Variants in REV3L observed in about 807,000 individuals in gnomAD.
REV3L encodes DNA polymerase zeta catalytic subunit.
In REV3L, 69 loss-of-function variants were observed where a neutral mutation model predicts 299.4. The ratio of observed to expected loss-of-function variants is 0.23; its 90% CI spans 0.19 to 0.28. The LOEUF is 0.28. REV3L is among the 10% of genes least tolerant of loss of function. The pLI is 1.00. For synonymous variants in REV3L, 1,238 were observed against 1,271.4 expected, an observed-to-expected ratio of 0.97 and a Z score of 0.56; for missense variants, 3,128 against 3,693.8, an observed-to-expected ratio of 0.85 and a Z score of 3.97.
At chr6:111,475,255 T>G (rs902808009) in intron 1 of REV3L, among the ~76,000 whole-genome samples, 8 of 152,158 alleles carry the variant, frequency 5.3e-5, no homozygotes, top group African/African-American at 1.9e-4. Flanking sequence ...TTCACCTAAC[T>G]ACTTCCCTAC....
chr6:111,457,330 A>C (rs907213899), intron 1 of REV3L, among the ~76,000 whole-genome samples: 1 of 152,032 alleles, frequency 6.6e-6, no homozygotes, highest in Non-Finnish European at 1.5e-5. Context: ...AAAAATAAGA[A>C]AATATTTTGA....
chr6:111,333,675 C>T (rs1775623037), intron 22 of REV3L, among the ~76,000 whole-genome samples: 1 of 151,798 alleles, frequency 6.6e-6, no homozygotes. Flanking sequence ...AGGGTTTCAC[C>T]ATGTTAGCCA....
chr6:111,406,837 T>C (rs1582871785), intron 3 of REV3L, among the ~76,000 whole-genome samples: 2 of 152,162 alleles, frequency 1.3e-5, no homozygotes, highest in South Asian at 4.1e-4. Context: ...ATAATAATCA[T>C]TTTATTAACA....
In REV3L at chr6:111,358,691, C is replaced by T. The variant is rs1231090475; in HGVS notation, c.7072+131G>A. ...GGACAAAGTTATACACAATCTCCTACCCCTACCTCAGCAAACATTTTAGAA... is the reference window on the plus strand; with the variant it reads ...GGACAAAGTTATACACAATCTCCTATCCCTACCTCAGCAAACATTTTAGAA... On this transcript the variant is annotated intron_variant, in intron 17 of 31. Coordinates refer to ENST00000368802, the MANE Select transcript of REV3L (RefSeq NM_001372078.1). 4.6e-6 allele frequency: 3 copies of T among 650,240 alleles called. No individual in the cohort carries two copies. In the East Asian group the frequency reaches 8.3e-5, roughly 18 times the overall value. 40.3% of individuals were successfully genotyped at this position (650,240 alleles called of 1,614,324 possible).
intron 21 of REV3L, among the ~76,000 whole-genome samples, chr6:111,336,308 T>C (rs1052324444): frequency 2.0e-5 from 3 of 152,042 alleles, no homozygotes; most frequent in African/African-American, 7.2e-5. Flanking sequence ...CCCAGAAGTA[T>C]ACTATAAGGA....
chr6:111,479,660 C>T (rs949448465), intron 1 of REV3L, among the ~76,000 whole-genome samples: 6 of 152,022 alleles, frequency 3.9e-5, no homozygotes, highest in Non-Finnish European at 8.8e-5. Flanking sequence ...CAGGTGCACA[C>T]CACCACGCCC....
chr6:111,374,478 A>G lies in REV3L; in HGVS notation c.3877T>C (p.Ser1293Pro), dbSNP rs1333409038. The change falls in exon 13 of 32, where the codon TCT becomes CCT. Residue 1293 changes from serine (S) to proline (P), a missense_variant. Transcript: ENST00000368802. ...PTGINAQQKL[S>P]GCFSSFLESK... is the part of the protein sequence containing the mutation. ...TCTAAGAAAGAAGAAAAGCAGCCAG[A>G]TAACTTCTGTTGTGCATTAATTCCA... 3 of 1,613,986 alleles carry G rather than the reference A, an allele frequency of 1.9e-6. No homozygotes were observed. Among genetic ancestry groups the G allele is most frequent in the African/African-American group, 2.7e-5 (2 of 74,928 alleles).
At chr6:111,365,683 G>C (rs1009410981) in intron 14 of REV3L, among the ~76,000 whole-genome samples, 1 of 152,118 alleles carries the variant, frequency 6.6e-6, no homozygotes, top group Non-Finnish European at 1.5e-5. Flanking sequence ...GGTCTAGAGA[G>C]AGAATCAGAC....
intron 3 of REV3L, among the ~76,000 whole-genome samples, chr6:111,407,175 C>T (rs990458458): frequency 2.6e-5 from 4 of 152,100 alleles, no homozygotes; most frequent in African/African-American, 9.7e-5. Context: ...TCACTCTTAA[C>T]CACTCGGCTA....
intron 28 of REV3L, chr6:111,311,687 C>G (rs1772993987): frequency 6.6e-6 from 1 of 152,336 alleles, no homozygotes; most frequent in South Asian, 2.1e-4. Context: ...ACCAGGCAGT[C>G]AAATCAAAAT....
Position 111,367,486 on chromosome 6 carries a change from C to T in REV3L, c.6302G>A (p.Ser2101Asn), listed in dbSNP as rs778716106. The change falls in exon 14 of 32, where the codon AGT becomes AAT. Residue 2101 changes from serine to asparagine, a missense_variant. Physicochemically the swap from Ser to Asn is conservative, Grantham distance 46 (BLOSUM62 1). This residue lies in a region of REV3L where 2,409 missense variants were observed against 2,611.8 expected (regional missense o/e 0.92). Coordinates refer to ENST00000368802, the MANE Select transcript of REV3L (RefSeq NM_001372078.1). ...SQMLPPVASASDPEKDEDDDD... is the reference protein window; with the variant it reads ...SQMLPPVASANDPEKDEDDDD... The stretch of plus-strand genomic sequence containing the variant: ...ATCATCTTCATCTTTTTCGGGATCA[C>T]TTGCAGAGGCAACTGGTGGCAGCAT... 2.5e-6 allele frequency: 4 copies of T among 1,608,562 alleles called. No individual in the cohort carries two copies. Among genetic ancestry groups the T allele is most frequent in the African/African-American group, 2.7e-5 (2 of 74,810 alleles).
At chr6:111,409,734 T>C (rs1784051375) in intron 3 of REV3L, among the ~76,000 whole-genome samples, 2 of 152,252 alleles carry the variant, frequency 1.3e-5, no homozygotes, top group South Asian at 2.1e-4. Flanking sequence ...CTGGGTGAAG[T>C]TGAAAACCAT....
intron 25 of REV3L, among the ~76,000 whole-genome samples, chr6:111,326,936 A>G (rs1231038778): frequency 6.6e-6 from 1 of 152,154 alleles, no homozygotes; most frequent in African/African-American, 2.4e-5. Context: ...AGAAGTTAAC[A>G]TTGTACTGTT....
chr6:111,473,951 G>T (rs1282760346), intron 1 of REV3L, among the ~76,000 whole-genome samples: 1 of 152,180 alleles, frequency 6.6e-6, no homozygotes, highest in South Asian at 2.1e-4. Context: ...CTAGAATGAT[G>T]CTTCTCAACC....
chr6:111,412,707 G>A (rs559064107), intron 2 of REV3L, among the ~76,000 whole-genome samples: 2 of 151,080 alleles, frequency 1.3e-5, no homozygotes, highest in African/African-American at 4.9e-5. Flanking sequence ...ACATTATTTT[G>A]GGTATAATTT....
At chr6:111,364,057 G>A in intron 15 of REV3L, 79 bp from the exon 16 acceptor site, 1 of 1,526,822 alleles carries the variant, frequency 6.5e-7, no homozygotes, top group South Asian at 1.3e-5. Flanking sequence ...CTTATTCTCA[G>A]ATAATATGCT....
chr6:111,432,748 T>C (rs1245797265), intron 1 of REV3L, among the ~76,000 whole-genome samples: 1 of 152,198 alleles, frequency 6.6e-6, no homozygotes, highest in Non-Finnish European at 1.5e-5. Context: ...AGAAAACACA[T>C]TCTTTTCATC....
At chr6:111,483,532 G>A (rs1237843200), upstream of REV3L, 7 of 511,114 alleles carry the variant, frequency 1.4e-5, no homozygotes, top group Non-Finnish European at 2.6e-5. Flanking sequence ...CGGGAGGGGG[G>A]CGCCAGTGTT....
chr6:111,308,324 A>G, intron 30 of REV3L: 1 of 447,760 alleles, frequency 2.2e-6, no homozygotes. Flanking sequence ...AATGAACATT[A>G]GTAATAAAGA....
Sources: allele counts gnomAD v4.1 joint callset (sites outside exome capture counted in the v4.1 genomes callset), GRCh38; gene constraint gnomAD v4.1.1; regional missense constraint gnomAD v4.1.1; transcripts MANE v1.5; gene names NCBI Gene and HGNC (gene_info 2026-07-23, HGNC 2026-07-21).